TMEM232: variants seen among roughly 807,000 people sequenced by gnomAD.
TMEM232 encodes transmembrane protein 232.
TMEM232 carries 80 observed loss-of-function variants against 78.8 expected under a neutral mutation model. The observed-to-expected ratio is 1.01, with a 90% CI of 0.85 to 1.22. TMEM232 has a LOEUF of 1.22. TMEM232 is among the 50% of genes most tolerant of loss of function. TMEM232 has a pLI of 0.00. For synonymous variants in TMEM232, 297 were observed against 254.3 expected, an observed-to-expected ratio of 1.17 and a Z score of -1.60; for missense variants, 881 against 742.2, an observed-to-expected ratio of 1.19 and a Z score of -2.17.
rs146722820 is a variant in TMEM232 at position 110,731,906 on chromosome 5, T to A, written c.-13+2997A>T. 2.4e-3 allele frequency among the ~76,000 whole-genome samples: 368 copies of A among 152,352 alleles called. 6 individuals are homozygous for A. The highest frequency in any genetic ancestry group is 8.4e-3 in the African/African-American group (350 of 41,588). On this transcript the variant is annotated intron_variant, in intron 2 of 4. Transcript: ENST00000512886. ...AAATAGGTTTTTCTTTTCTACTGCA[T>A]CATCAGGCTGCAAATTTTCTGAACT...
At chr5:110,615,625 C>T (rs965067032) in intron 8 of TMEM232, among the ~76,000 whole-genome samples, 2 of 151,802 alleles carry the variant, frequency 1.3e-5, no homozygotes, top group African/African-American at 4.8e-5. Flanking sequence ...ACTAAAAGGC[C>T]TAGCCAGAGC....
intron 1 of TMEM232, among the ~76,000 whole-genome samples, chr5:110,676,962 T>A (rs759979272): frequency 6.6e-6 from 1 of 152,046 alleles, no homozygotes; most frequent in Non-Finnish European, 1.5e-5. Context: ...GGATTCACCA[T>A]GTTGGTCAGG....
At chr5:110,475,597 G>GGAGA (rs34697871) in intron 12 of TMEM232, among the ~76,000 whole-genome samples, 23,930 of 151,464 alleles carry the variant, frequency 0.16, 4,945 homozygotes, top group African/African-American at 0.48. Flanking sequence ...TCCAAAGCTA[G>GGAGA]GAGAATCTAG....
At chr5:110,492,320 A>T (rs115138621) in intron 12 of TMEM232, among the ~76,000 whole-genome samples, 1 of 152,000 alleles carries the variant, frequency 6.6e-6, no homozygotes, top group African/African-American at 2.4e-5. Context: ...GTAACAAAAC[A>T]TAAGTAAACT....
chr5:110,558,413 C>T (rs1175497032), intron 11 of TMEM232, among the ~76,000 whole-genome samples: 1 of 152,048 alleles, frequency 6.6e-6, no homozygotes, highest in East Asian at 1.9e-4. Flanking sequence ...TAGGGGAAGG[C>T]TATAAGTGGG....
At chr5:110,628,856 T>C (rs1784761219) in intron 5 of TMEM232, 1 of 152,128 alleles carries the variant, frequency 6.6e-6, no homozygotes, top group Non-Finnish European at 1.5e-5. Flanking sequence ...AACCCAGGAA[T>C]GTATGTATTG....
chr5:110,431,225 C>T (rs1391174625), intron 12 of TMEM232, among the ~76,000 whole-genome samples: 1 of 151,530 alleles, frequency 6.6e-6, no homozygotes, highest in Non-Finnish European at 1.5e-5. Flanking sequence ...AAGTCACCAA[C>T]AAGCAGAGTG....
intron 12 of TMEM232, among the ~76,000 whole-genome samples, chr5:110,431,711 A>G (rs1212442771): frequency 6.6e-6 from 1 of 151,820 alleles, no homozygotes; most frequent in African/African-American, 2.4e-5. Flanking sequence ...TATTACTTAT[A>G]GAATTGACAA....
chr5:110,559,994 T>C (rs1392307197), intron 11 of TMEM232, among the ~76,000 whole-genome samples: 1 of 152,178 alleles, frequency 6.6e-6, no homozygotes, highest in Non-Finnish European at 1.5e-5. Flanking sequence ...ACCAATCTTA[T>C]TGGATTAGGG....
Position 110,627,703 on chromosome 5 carries a change from G to A in TMEM232, c.601+78C>T, listed in dbSNP as rs573013030. 1.3e-3 allele frequency: 1,347 copies of A among 1,016,740 alleles called. 1 individual carries two copies. Among genetic ancestry groups the A allele is most frequent in the Non-Finnish European group, 1.7e-3 (1,203 of 717,696 alleles). 63.0% of individuals were successfully genotyped at this position (1,016,740 alleles called of 1,614,324 possible). A position where few individuals can be genotyped will look rare whatever the true frequency, so the allele number is the denominator to read the frequency against. ...TTATGAAAAATAAAATGCAGCTTAC[G>A]TTCTTTATAGTGACAGTCTGAGCTT... On this transcript the variant is annotated intron_variant, in intron 6 of 13. Coordinates refer to ENST00000455884, the MANE Select transcript of TMEM232 (RefSeq NM_001039763.4).
intron 2 of TMEM232, among the ~76,000 whole-genome samples, chr5:110,665,986 T>C (rs902831888): frequency 2.6e-5 from 4 of 152,026 alleles, no homozygotes; most frequent in Admixed American, 2.0e-4. Flanking sequence ...GGAGGATCAT[T>C]TGAGCCCAGG....
intron 5 of TMEM232, among the ~76,000 whole-genome samples, chr5:110,631,711 C>A (rs1785155515): frequency 6.6e-6 from 1 of 152,172 alleles, no homozygotes; most frequent in South Asian, 2.1e-4. Flanking sequence ...GCTGCTACAA[C>A]TGAGAACAGG....
chr5:110,617,292 G>A (rs577448790), intron 8 of TMEM232, among the ~76,000 whole-genome samples: 66 of 152,278 alleles, frequency 4.3e-4, no homozygotes, highest in Non-Finnish European at 7.1e-4. Context: ...GGGCAAAAGA[G>A]GAGATGCCAG....
chr5:110,582,489 T>C (rs1012747408), intron 10 of TMEM232, among the ~76,000 whole-genome samples: 1 of 151,812 alleles, frequency 6.6e-6, no homozygotes, highest in East Asian at 1.9e-4. Flanking sequence ...ATGGCAATAA[T>C]AGACACTGGG....
intron 12 of TMEM232, among the ~76,000 whole-genome samples, chr5:110,518,017 C>A (rs1768924051): frequency 6.6e-6 from 1 of 151,518 alleles, no homozygotes; most frequent in African/African-American, 2.4e-5. Flanking sequence ...CAGTATGTCT[C>A]TTCCCTCATA....
intron 12 of TMEM232, among the ~76,000 whole-genome samples, chr5:110,457,106 T>C (rs966972160): frequency 6.6e-6 from 1 of 152,076 alleles, no homozygotes; most frequent in Non-Finnish European, 1.5e-5. Context: ...TAAGAATATT[T>C]ACAAAACAAA....
intron 8 of TMEM232, among the ~76,000 whole-genome samples, chr5:110,613,247 C>T (rs919500105): frequency 2.0e-5 from 3 of 152,030 alleles, no homozygotes; most frequent in African/African-American, 7.2e-5. Flanking sequence ...CTATTTGTTT[C>T]TTTTTGTACT....
chr5:110,426,082 C>T (rs555608558), intron 12 of TMEM232, among the ~76,000 whole-genome samples: 2 of 152,010 alleles, frequency 1.3e-5, no homozygotes, highest in African/African-American at 4.8e-5. Flanking sequence ...CCCACTGTTG[C>T]TTGTTTTCAC....
intron 1 of TMEM232, among the ~76,000 whole-genome samples, chr5:110,698,926 T>C (rs933114418): frequency 2.6e-5 from 4 of 152,074 alleles, no homozygotes; most frequent in African/African-American, 9.7e-5. Context: ...TCCAAAGTTA[T>C]GAGACATTTG....
Sources: allele counts gnomAD v4.1 joint callset (sites outside exome capture counted in the v4.1 genomes callset), GRCh38; gene constraint gnomAD v4.1.1; transcripts MANE v1.5; gene names NCBI Gene and HGNC (gene_info 2026-07-23, HGNC 2026-07-21).